NRXN3: variants seen among roughly 807,000 people sequenced by gnomAD.
NRXN3 encodes the protein neurexin III.
A neutral mutation model predicts 137.6 loss-of-function variants in NRXN3; 32 were observed. That is an observed-to-expected ratio of 0.23 (90% CI 0.18 to 0.31). The LOEUF is 0.31. Ranked by LOEUF, NRXN3 falls within the 10% of genes least tolerant of loss-of-function variation. The pLI, the probability that NRXN3 is intolerant of heterozygous loss-of-function variation, is 1.00. For missense variants in NRXN3, 1,574 were observed against 2,062.5 expected (o/e 0.76, Z 4.59); for synonymous variants, 798 against 784.5 (o/e 1.02, Z -0.29).
intron 4 of NRXN3, among the ~76,000 whole-genome samples, chr14:78,595,278 T>G (rs1366173470): frequency 6.6e-6 from 1 of 152,092 alleles, no homozygotes; most frequent in Non-Finnish European, 1.5e-5. Context: ...ATATGAAGCT[T>G]TAGGGAAGGC....
chr14:79,739,460 C>T (rs967191354), intron 19 of NRXN3, among the ~76,000 whole-genome samples: 23 of 151,792 alleles, frequency 1.5e-4, no homozygotes, highest in African/African-American at 5.3e-4. Context: ...GCCTGGCCAA[C>T]ATGGTGAAAC....
chr14:78,508,203 T>C (rs1390344165), intron 4 of NRXN3, among the ~76,000 whole-genome samples: 1 of 152,204 alleles, frequency 6.6e-6, no homozygotes, highest in African/African-American at 2.4e-5. Flanking sequence ...GAAATTCTGC[T>C]GATTGACACT....
chr14:79,333,074 C>T (rs1023075552), intron 15 of NRXN3, among the ~76,000 whole-genome samples: 3 of 152,118 alleles, frequency 2.0e-5, no homozygotes, highest in Admixed American at 2.0e-4. Context: ...AAATACCATG[C>T]AGCGCTTTCA....
rs185772790 is a variant in NRXN3, at chr14:79,260,481, G to A, written c.3263-206740G>A. Among the ~76,000 whole-genome samples the A allele has an allele frequency of 4.6e-4, 70 of 152,268 alleles. No homozygotes were observed. In the East Asian group the frequency reaches 9.9e-3, roughly 21 times the overall value. ...GAGGCTTGTGTTGGGGAGTACTTTT[G>A]ACAGATCCCTCACCCCCATCCGCAC... is the stretch of plus-strand genomic sequence containing the variant. On this transcript the variant is annotated intron_variant, in intron 15 of 20. Transcript: ENST00000335750.
chr14:79,707,819 T>A (rs1393432093), intron 19 of NRXN3, among the ~76,000 whole-genome samples: 1 of 151,768 alleles, frequency 6.6e-6, no homozygotes, highest in Non-Finnish European at 1.5e-5. Flanking sequence ...TAGGAAACAA[T>A]GAATTAGAAG....
At chr14:79,523,722 C>G (rs1189462827) in intron 16 of NRXN3, among the ~76,000 whole-genome samples, 1 of 152,162 alleles carries the variant, frequency 6.6e-6, no homozygotes, top group Non-Finnish European at 1.5e-5. Context: ...AATGAAGGCT[C>G]AAGGCGGAGT....
intron 4 of NRXN3, among the ~76,000 whole-genome samples, chr14:78,415,141 T>C (rs1124428): frequency 0.28 from 43,061 of 152,134 alleles, 8,189 homozygotes; most frequent in African/African-American, 0.53. Context: ...CTTGAACTCC[T>C]GACCTCTCTA....
At chr14:78,845,751 A>G (rs1217724169) in intron 10 of NRXN3, among the ~76,000 whole-genome samples, 1 of 151,992 alleles carries the variant, frequency 6.6e-6, no homozygotes, top group African/African-American at 2.4e-5. Context: ...ACACTTCTAT[A>G]GCTGATACAT....
chr14:79,009,575 G>A (rs1367866457), intron 15 of NRXN3, among the ~76,000 whole-genome samples: 1 of 152,112 alleles, frequency 6.6e-6, no homozygotes, highest in Admixed American at 6.6e-5. Context: ...AGAATATACA[G>A]AGCAAGGATC....
intron 15 of NRXN3, among the ~76,000 whole-genome samples, chr14:79,375,651 TGCTTAAA>T (rs2153443208): frequency 1.3e-5 from 2 of 152,280 alleles, no homozygotes; most frequent in East Asian, 3.9e-4. Context: ...AGAAAAATAC[TGCTTAAA>T]TATTAAGATT....
intron 20 of NRXN3, among the ~76,000 whole-genome samples, chr14:79,852,280 C>CACACACACACACA (rs1603619753): frequency 1.4e-5 from 2 of 146,530 alleles, no homozygotes; most frequent in African/African-American, 2.5e-5. Context: ...CACACACACA[C>CACACACACACACA]CTCTCACATG....
chr14:79,724,071 C>CT (rs2098863352), intron 19 of NRXN3, among the ~76,000 whole-genome samples: 1 of 152,132 alleles, frequency 6.6e-6, no homozygotes, highest in Non-Finnish European at 1.5e-5. Context: ...ACAGTTTTCT[C>CT]TTTTTGTTAG....
intron 15 of NRXN3, among the ~76,000 whole-genome samples, chr14:79,059,660 A>C (rs2099671711): frequency 2.0e-5 from 3 of 152,336 alleles, no homozygotes; most frequent in South Asian, 2.1e-4. Flanking sequence ...TGCAGCTTCT[A>C]CAAATTTCAC....
At chr14:78,525,051 G>A (rs2096357020) in intron 4 of NRXN3, among the ~76,000 whole-genome samples, 1 of 152,124 alleles carries the variant, frequency 6.6e-6, no homozygotes, top group Non-Finnish European at 1.5e-5. Context: ...TCCTATGTTT[G>A]CTAGTTTCCT....
intron 4 of NRXN3, among the ~76,000 whole-genome samples, chr14:78,415,535 G>A (rs1567527374): frequency 1.3e-5 from 2 of 152,148 alleles, no homozygotes; most frequent in Non-Finnish European, 2.9e-5. Flanking sequence ...TGTACAGGAA[G>A]GCTCCTTCAC....
chr14:78,518,689 T>A (rs1033842656), intron 4 of NRXN3, among the ~76,000 whole-genome samples: 1 of 152,142 alleles, frequency 6.6e-6, no homozygotes, highest in Non-Finnish European at 1.5e-5. Context: ...GTCAGGCTTT[T>A]TGAATTTAGG....
rs1176530904 is a variant in NRXN3, at chr14:78,486,369, G to A, written c.758-158751G>A. Among the ~76,000 whole-genome samples the A allele has an allele frequency of 7.2e-5, 11 of 152,260 alleles. 1 individual carries two copies. The East Asian group carries it at 2.1e-3, about 29-fold the overall frequency. The stretch of plus-strand genomic sequence containing the variant: ...TGAGATGCCTCCTGTTCCTTTGGGA[G>A]GTCTGTAATTTTTCTCAGAAGGCTA... On this transcript the variant is annotated intron_variant, in intron 4 of 20. Transcript: ENST00000335750.
At chr14:79,331,026 T>G (rs978403466) in intron 15 of NRXN3, among the ~76,000 whole-genome samples, 1 of 152,186 alleles carries the variant, frequency 6.6e-6, no homozygotes, top group African/African-American at 2.4e-5. Flanking sequence ...CCCAAAAACA[T>G]ACCTTCAATT....
chr14:78,596,068 G>C (rs1000511458), intron 4 of NRXN3, among the ~76,000 whole-genome samples: 1 of 152,142 alleles, frequency 6.6e-6, no homozygotes, highest in African/African-American at 2.4e-5. Flanking sequence ...CCACAGCAAA[G>C]AATTATTTGG....
Sources: gnomAD v4.1 joint callset for allele counts (sites outside exome capture counted in the v4.1 genomes callset) on GRCh38, gnomAD v4.1.1 for gene constraint, MANE v1.5 for transcripts, NCBI Gene and HGNC (gene_info 2026-07-23, HGNC 2026-07-21) for gene names.